The following SEPTIN7 variants were observed in gnomAD, a reference collection of about 807,000 sequenced individuals.
SEPTIN7 encodes the protein septin 7.
In SEPTIN7, 10 loss-of-function variants were observed where a neutral mutation model predicts 63.3. The observed-to-expected ratio is 0.16, with a 90% CI of 0.10 to 0.27. The LOEUF (loss-of-function observed/expected upper bound fraction) is 0.27, where lower values mean the gene tolerates loss of function less well. Among genes scored for constraint, SEPTIN7 ranks in the 10% least tolerant of loss-of-function variants. The pLI is 1.00. For synonymous variants in SEPTIN7, 131 were observed against 165.3 expected (o/e 0.79, Z 1.59); for missense variants, 310 against 521.0 (o/e 0.59, Z 3.94).
intron 10 of SEPTIN7, among the ~76,000 whole-genome samples, chr7:35,887,282 T>C (rs933973983): frequency 3.3e-5 from 5 of 152,212 alleles, no homozygotes; most frequent in Non-Finnish European, 7.3e-5. Context: ...TCTTGTGTAT[T>C]TTAAAAGTAT....
chr7:35,860,438 G>T (rs1441579881), intron 3 of SEPTIN7, among the ~76,000 whole-genome samples: 1 of 151,952 alleles, frequency 6.6e-6, no homozygotes, highest in Non-Finnish European at 1.5e-5. Flanking sequence ...ACCTTTACGG[G>T]ATCTTTATAT....
At chr7:35,856,636 G>T (rs1583571751) in intron 3 of SEPTIN7, among the ~76,000 whole-genome samples, 1 of 152,156 alleles carries the variant, frequency 6.6e-6, no homozygotes, top group East Asian at 1.9e-4. Flanking sequence ...CTACTTTTTG[G>T]TACCCATTTT....
intron 4 of SEPTIN7, among the ~76,000 whole-genome samples, chr7:35,870,676 C>G (rs1786087854): frequency 6.6e-6 from 1 of 152,002 alleles, no homozygotes; most frequent in African/African-American, 2.4e-5. Flanking sequence ...ACCTCCTAAA[C>G]TAGATGAGAT....
intron 1 of SEPTIN7, among the ~76,000 whole-genome samples, chr7:35,803,463 A>G (rs1370050170): frequency 6.6e-6 from 1 of 152,334 alleles, no homozygotes; most frequent in East Asian, 1.9e-4. Flanking sequence ...ATGGAGAGTG[A>G]TCAGATGAGG....
At position 35,904,365 on chromosome 7, in the gene SEPTIN7, C is replaced by T. The variant is rs1356015497; in HGVS notation, c.*72C>T. 18 of 1,272,556 alleles carry T rather than the reference C, an allele frequency of 1.4e-5. No individual in the cohort carries two copies. The South Asian group carries it at 1.7e-4, about 12-fold the overall frequency. The allele number at this position is 1,272,556 out of a possible 1,614,324, so 78.8% of individuals were successfully genotyped here. On this transcript the variant is annotated 3_prime_UTR_variant, in exon 14 of 14. Transcript: ENST00000350320. The stretch of plus-strand genomic sequence containing the variant: ...CTTGGACATCAGTGTTTGTTGGATC[C>T]GTTTGACCAATTTGCACCAGTTTTA...
rs371068533 is a variant in SEPTIN7 at position 35,854,375 on chromosome 7, C to T, written c.170-9177C>T. Among the ~76,000 whole-genome samples, 3 of 152,286 alleles carry T rather than the reference C, an allele frequency of 2.0e-5. No homozygotes were observed. In the East Asian group the frequency reaches 5.8e-4, roughly 29 times the overall value. ...GGGGATTCAAATTTTGAAAAATGCC[C>T]CCCAGGGGACATCTCTCAACGTCTG... is the stretch of plus-strand genomic sequence containing the variant. On this transcript the variant is annotated intron_variant, in intron 3 of 13. Coordinates refer to ENST00000350320, the MANE Select transcript of SEPTIN7 (RefSeq NM_001788.6).
chr7:35,886,465 A>G (rs1787252119), intron 10 of SEPTIN7, among the ~76,000 whole-genome samples: 1 of 152,210 alleles, frequency 6.6e-6, no homozygotes, highest in Non-Finnish European at 1.5e-5. Flanking sequence ...TGAATTAGAA[A>G]AGCAGCAGCA....
intron 11 of SEPTIN7, among the ~76,000 whole-genome samples, 183 bp downstream of exon 11, chr7:35,890,976 T>G (rs1787605545): frequency 2.0e-5 from 3 of 152,348 alleles, no homozygotes; most frequent in South Asian, 4.1e-4. Flanking sequence ...GAATGAACCA[T>G]TTTGATAGTT....
downstream of SEPTIN7, among the ~76,000 whole-genome samples, chr7:35,910,467 G>C (rs1275707689): frequency 2.0e-5 from 3 of 152,068 alleles, no homozygotes; most frequent in African/African-American, 7.2e-5. Context: ...TTTACAGATG[G>C]GTCTAGTAAT....
intron 12 of SEPTIN7, chr7:35,901,022 A>G (rs978885669): frequency 1.3e-5 from 2 of 152,222 alleles, no homozygotes; most frequent in Admixed American, 1.3e-4. Flanking sequence ...TTGTGTAAAT[A>G]TACGTGTGAA....
intron 3 of SEPTIN7, among the ~76,000 whole-genome samples, chr7:35,855,440 A>G (rs1396449418): frequency 6.6e-6 from 1 of 152,186 alleles, no homozygotes; most frequent in East Asian, 1.9e-4. Context: ...TTAAATTTTG[A>G]TAGATTACCA....
chr7:35,855,378 T>G (rs1182844402), intron 3 of SEPTIN7, among the ~76,000 whole-genome samples: 2 of 152,218 alleles, frequency 1.3e-5, no homozygotes, highest in African/African-American at 4.8e-5. Flanking sequence ...TATAAATGCT[T>G]CTGTAATGTA....
chr7:35,844,404 T>C (rs1784552260), intron 3 of SEPTIN7, among the ~76,000 whole-genome samples: 1 of 152,228 alleles, frequency 6.6e-6, no homozygotes, highest in Admixed American at 6.5e-5. Flanking sequence ...TGTTTTTGAC[T>C]TATGTTTTTG....
At chr7:35,880,323 C>T (rs1477425723) in intron 7 of SEPTIN7, among the ~76,000 whole-genome samples, 3 of 141,428 alleles carry the variant, frequency 2.1e-5, no homozygotes, top group African/African-American at 7.9e-5. Context: ...GTCTTTATCT[C>T]CCCACTCCCC....
At chr7:35,894,960 A>G (rs1342946275) in intron 11 of SEPTIN7, among the ~76,000 whole-genome samples, 1 of 152,212 alleles carries the variant, frequency 6.6e-6, no homozygotes, top group South Asian at 2.1e-4. Context: ...CCTTATAAAG[A>G]CAACCCTAGA....
Position 35,904,304 on chromosome 7 carries a change from G to A in SEPTIN7, c.*11G>A. 6.4e-7 allele frequency: 1 copy of A among 1,554,754 alleles called. No individual in the cohort carries two copies. The highest frequency in any genetic ancestry group is 2.3e-5 in the East Asian group (1 of 42,762). ...GGGAAGATCTTTTAAACTCTCTATT[G>A]ACCACCAGTTAACGTATTAGTTGCC... On this transcript the variant is annotated 3_prime_UTR_variant, in exon 14 of 14. Transcript: ENST00000350320.
intron 6 of SEPTIN7, among the ~76,000 whole-genome samples, chr7:35,875,832 T>C (rs989831370): frequency 3.3e-5 from 5 of 152,208 alleles, no homozygotes; most frequent in African/African-American, 1.2e-4. Flanking sequence ...TTGTTCATTA[T>C]GCTGTAGACT....
At chr7:35,869,634 C>G (rs1345650538) in intron 4 of SEPTIN7, among the ~76,000 whole-genome samples, 6 of 152,104 alleles carry the variant, frequency 3.9e-5, no homozygotes, top group African/African-American at 4.8e-5. Flanking sequence ...TTATATGACA[C>G]TGTATAATAA....
rs774176679 is a variant in SEPTIN7, at chr7:35,801,256, A to G, written c.47A>G (p.Asn16Ser). ...RSAAAEERSV[N>S]SSTMVAQQKN... ...GCTGCTGCTGAGGAGAGGAGCGTCA[A>G]CAGCAGCACCATGGGTGAGTCTCAG... Residue 16 changes from asparagine to serine, a missense_variant, in exon 1 of 14, where the codon AAC (asparagine) becomes AGC (serine). Physicochemically the swap from Asn to Ser is conservative, Grantham distance 46 (BLOSUM62 1). Transcript: ENST00000350320. The G allele has an allele frequency of 2.0e-6, 3 of 1,527,704 alleles. No individual in the cohort carries two copies. The highest frequency in any genetic ancestry group is 2.5e-5 in the South Asian group (2 of 81,334). 94.6% of individuals were successfully genotyped at this position (1,527,704 alleles called of 1,614,324 possible).
Sources: allele counts gnomAD v4.1 joint callset (sites outside exome capture counted in the v4.1 genomes callset), GRCh38; gene constraint gnomAD v4.1.1; transcripts MANE v1.5; gene names NCBI Gene and HGNC (gene_info 2026-07-23, HGNC 2026-07-21).